SLC22A3: variants seen among roughly 807,000 people sequenced by gnomAD.
The protein encoded by SLC22A3 is solute carrier family 22 member 3, also known as EMT organic cation transporter 3.
In SLC22A3, 51 loss-of-function variants were observed where a neutral mutation model predicts 59.1. That is an observed-to-expected ratio of 0.86 (90% CI 0.69 to 1.09). The LOEUF (loss-of-function observed/expected upper bound fraction) is 1.09. Ranked by LOEUF, SLC22A3 falls within the 50% of genes least tolerant of loss-of-function variation. The probability of loss-of-function intolerance (pLI) is 0.00; values close to 1 mark genes in which losing one functional copy is unlikely to be tolerated. For missense variants in SLC22A3, 711 were observed against 726.3 expected, an observed-to-expected ratio of 0.98 and a Z score of 0.24; for synonymous variants, 325 against 292.0, an observed-to-expected ratio of 1.11 and a Z score of -1.15.
intron 1 of SLC22A3, among the ~76,000 whole-genome samples, chr6:160,362,002 G>A (rs1416435018): frequency 6.6e-6 from 1 of 152,150 alleles, no homozygotes; most frequent in African/African-American, 2.4e-5. Flanking sequence ...CTGGTACCTT[G>A]CAGGCTAAAT....
rs865980633 is a variant in SLC22A3 at position 160,451,255 on chromosome 6, G to T, written c.*199G>T. The stretch of plus-strand genomic sequence containing the variant: ...GATTTGTAATGCTGTTGAAGTTTCT[G>T]GGAACACATAATATGTAGCCAGTTT... On this transcript the variant is annotated 3_prime_UTR_variant, in exon 11 of 11. Transcript: ENST00000275300. The T allele has an allele frequency of 8.6e-6, 5 of 582,964 alleles. No homozygotes were observed. In the African/African-American group the frequency reaches 9.4e-5, roughly 11 times the overall value. The allele number at this position is 582,964 out of a possible 1,614,324, so 36.1% of individuals were successfully genotyped here.
chr6:160,411,717 A>G (rs1787257464), intron 5 of SLC22A3, among the ~76,000 whole-genome samples: 1 of 152,164 alleles, frequency 6.6e-6, no homozygotes, highest in African/African-American at 2.4e-5. Flanking sequence ...CCTCCAGCCT[A>G]GGAGACAGAT....
intron 1 of SLC22A3, among the ~76,000 whole-genome samples, chr6:160,351,428 C>A (rs1784657864): frequency 6.6e-6 from 1 of 152,124 alleles, no homozygotes; most frequent in African/African-American, 2.4e-5. Flanking sequence ...TTTTAAATTC[C>A]AAATAGTTTT....
Position 160,442,777 on chromosome 6 carries a change from G to C in SLC22A3, c.1305G>C (p.Arg435Ser), listed in dbSNP as rs776535631. The change falls in exon 8 of 11, where the codon AGG (arginine) becomes AGC (serine). Residue 435 changes from arginine (R) to serine (S), a missense_variant. Transcript: ENST00000275300. ...TGTTTGCAGGAATAGCATGGTTGAG[G>C]ACCACAGTGGCTACATTGGGAAGAC... ...AFLPEGIAWL[R>S]TTVATLGRLG... 7.1e-5 allele frequency: 114 copies of C among 1,613,564 alleles called. No individual in the cohort carries two copies. Among genetic ancestry groups the C allele is most frequent in the Non-Finnish European group, 9.4e-5 (111 of 1,179,614 alleles).
At chr6:160,361,848 A>G (rs1219528893) in intron 1 of SLC22A3, among the ~76,000 whole-genome samples, 1 of 152,250 alleles carries the variant, frequency 6.6e-6, no homozygotes, top group Non-Finnish European at 1.5e-5. Flanking sequence ...AGTTTTCATG[A>G]GAAGAAACTT....
At chr6:160,414,583 T>C (rs1329570993) in intron 5 of SLC22A3, among the ~76,000 whole-genome samples, 1 of 152,184 alleles carries the variant, frequency 6.6e-6, no homozygotes, top group Admixed American at 6.5e-5. Context: ...TGACTCACAG[T>C]TCTGCAGGGC....
chr6:160,420,848 G>A (rs1295571683), intron 5 of SLC22A3, among the ~76,000 whole-genome samples: 2 of 152,190 alleles, frequency 1.3e-5, no homozygotes, highest in Non-Finnish European at 2.9e-5. Context: ...CGGGATTCCC[G>A]CCTGGCTGGA....
At chr6:160,382,860 A>G (rs1785847474) in intron 1 of SLC22A3, among the ~76,000 whole-genome samples, 1 of 152,236 alleles carries the variant, frequency 6.6e-6, no homozygotes, top group Non-Finnish European at 1.5e-5. Flanking sequence ...ACATTATTAA[A>G]AAAATGGAAA....
chr6:160,394,382 C>T (rs916601565), intron 1 of SLC22A3, among the ~76,000 whole-genome samples: 2 of 152,186 alleles, frequency 1.3e-5, no homozygotes, highest in Admixed American at 1.3e-4. Flanking sequence ...TCTTTAAACA[C>T]GAAAGATACA....
At chr6:160,427,830 A>ATCC (rs1788017705) in intron 5 of SLC22A3, among the ~76,000 whole-genome samples, 1 of 152,180 alleles carries the variant, frequency 6.6e-6, no homozygotes, top group Non-Finnish European at 1.5e-5. Flanking sequence ...AATTTTGTGT[A>ATCC]TCCATACATG....
Position 160,451,525 on chromosome 6 carries a change from T to G in SLC22A3, c.*469T>G, listed in dbSNP as rs1456931800. 4 of 170,456 alleles carry G rather than the reference T, an allele frequency of 2.3e-5. No individual in the cohort carries two copies. Among genetic ancestry groups the G allele is most frequent in the African/African-American group, 9.6e-5 (4 of 41,764 alleles). The allele number at this position is 170,456 out of a possible 1,614,324, so 10.6% of individuals were successfully genotyped here. ...TTCATTCTGAAGATTGCATGGAGGA[T>G]GAACATCTGGGAATCCTGTTAATGA... On this transcript the variant is annotated 3_prime_UTR_variant, in exon 11 of 11. Coordinates refer to ENST00000275300, the MANE Select transcript of SLC22A3 (RefSeq NM_021977.4).
At chr6:160,386,204 C>T (rs1458827663) in intron 1 of SLC22A3, among the ~76,000 whole-genome samples, 2 of 152,210 alleles carry the variant, frequency 1.3e-5, no homozygotes, top group African/African-American at 4.8e-5. Flanking sequence ...GCTTTCGCCT[C>T]CAGCTCCTTA....
At chr6:160,411,212 A>T (rs1350601328) in intron 5 of SLC22A3, among the ~76,000 whole-genome samples, 1 of 152,188 alleles carries the variant, frequency 6.6e-6, no homozygotes, top group Non-Finnish European at 1.5e-5. Flanking sequence ...CATAATATTG[A>T]ATCATTCATC....
chr6:160,441,326 G>A (rs147308828), intron 7 of SLC22A3, among the ~76,000 whole-genome samples: 3 of 152,230 alleles, frequency 2.0e-5, no homozygotes, highest in Non-Finnish European at 4.4e-5. Flanking sequence ...TCATAAAGAA[G>A]CAAAGCCTAA....
intron 1 of SLC22A3, among the ~76,000 whole-genome samples, chr6:160,353,542 G>GACCTTA (rs1194741651): frequency 6.6e-6 from 1 of 152,112 alleles, no homozygotes; most frequent in African/African-American, 2.4e-5. Context: ...AAAGTACATT[G>GACCTTA]ACCTTAACCT....
chr6:160,434,513 G>A (rs1338456176), intron 5 of SLC22A3, among the ~76,000 whole-genome samples: 2 of 152,148 alleles, frequency 1.3e-5, no homozygotes, highest in Non-Finnish European at 2.9e-5. Context: ...ATAGAGCTTT[G>A]ATGAGACTTA....
intron 5 of SLC22A3, among the ~76,000 whole-genome samples, chr6:160,431,056 C>A (rs1432540011): frequency 2.0e-5 from 3 of 152,080 alleles, no homozygotes; most frequent in Non-Finnish European, 4.4e-5. Flanking sequence ...TCAAAGTGTG[C>A]ACTTAGAATT....
chr6:160,419,371 C>G (rs1787636062), intron 5 of SLC22A3, among the ~76,000 whole-genome samples: 1 of 152,190 alleles, frequency 6.6e-6, no homozygotes, highest in Non-Finnish European at 1.5e-5. Context: ...AGGAACCACA[C>G]TATGATTCCA....
In SLC22A3 at chr6:160,408,800, A is replaced by G; in HGVS notation, c.736A>G (p.Ile246Val). ...ACAAAGGAGGATTGTGGGAATCGTG[A>G]TTCAAATGTTCTTTACCCTTGGAAT... ...SKQRRIVGIV[I>V]QMFFTLGIII... The change falls in exon 4 of 11, where the codon ATT (isoleucine) becomes GTT (valine). Residue 246 changes from isoleucine to valine, a missense_variant. Transcript: ENST00000275300. 6.2e-7 allele frequency: 1 copy of G among 1,613,792 alleles called. No homozygotes were observed. The highest frequency in any genetic ancestry group is 8.5e-7 in the Non-Finnish European group (1 of 1,179,826).
Sources: gnomAD v4.1 joint callset for allele counts (sites outside exome capture counted in the v4.1 genomes callset) on GRCh38, gnomAD v4.1.1 for gene constraint, MANE v1.5 for transcripts, NCBI Gene and HGNC (gene_info 2026-07-23, HGNC 2026-07-21) for gene names.